Variants in SLC35F1 observed in about 807,000 individuals in gnomAD.
SLC35F1 encodes the protein solute carrier family 35 member F1, also known as chromosome 6 open reading frame 169.
Under a neutral mutation model 48.7 loss-of-function variants are expected in SLC35F1, and 14 were observed. The ratio of observed to expected loss-of-function variants is 0.29; its 90% CI spans 0.19 to 0.45. SLC35F1 has a LOEUF of 0.45. Ranked by LOEUF, SLC35F1 falls within the 20% of genes least tolerant of loss-of-function variation. The pLI, the probability that SLC35F1 is intolerant of heterozygous loss-of-function variation, is 1.00. For missense variants in SLC35F1, 404 were observed against 500.0 expected, an observed-to-expected ratio of 0.81 and a Z score of 1.83; for synonymous variants, 190 against 202.2, an observed-to-expected ratio of 0.94 and a Z score of 0.51.
Position 118,090,347 on chromosome 6 carries a change from CTGAG to C in SLC35F1, c.174-64097_174-64094del, listed in dbSNP as rs1406317599. Among the ~76,000 whole-genome samples the C allele has an allele frequency of 1.4e-4, 21 of 152,240 alleles. No homozygotes were observed. The Middle Eastern group carries it at 0.01, about 74-fold the overall frequency. ...GAATAAGACAGAGTTCCCACCCTCACTGAGCATATGTCGTGGTGGGAGGAAACAG... is the reference window on the plus strand; with the variant it reads ...GAATAAGACAGAGTTCCCACCCTCACCATATGTCGTGGTGGGAGGAAACAG... On this transcript the variant is annotated intron_variant, in intron 1 of 7. Transcript: ENST00000360388.
At chr6:117,985,668 G>C (rs528054104) in intron 1 of SLC35F1, among the ~76,000 whole-genome samples, 21 of 152,282 alleles carry the variant, frequency 1.4e-4, no homozygotes, top group Non-Finnish European at 2.8e-4. Context: ...AATATCTTCA[G>C]AGAAACTGTG....
intron 1 of SLC35F1, among the ~76,000 whole-genome samples, chr6:118,098,019 A>T (rs182527620): frequency 3.9e-5 from 6 of 152,296 alleles, no homozygotes; most frequent in Admixed American, 3.3e-4. Flanking sequence ...TCACAACAAT[A>T]CTATTACTCT....
intron 1 of SLC35F1, among the ~76,000 whole-genome samples, chr6:118,001,861 C>T (rs1777102286): frequency 1.3e-5 from 2 of 151,868 alleles, no homozygotes; most frequent in South Asian, 4.2e-4. Flanking sequence ...TGCTCACTAT[C>T]ACTGGCCATC....
At chr6:117,936,325 G>A (rs1776162585) in intron 1 of SLC35F1, among the ~76,000 whole-genome samples, 2 of 152,282 alleles carry the variant, frequency 1.3e-5, no homozygotes, top group South Asian at 2.1e-4. Context: ...TGCTATTGCT[G>A]TTGGGGGTTT....
chr6:118,153,212 A>G (rs1774089124), intron 1 of SLC35F1, among the ~76,000 whole-genome samples: 1 of 152,220 alleles, frequency 6.6e-6, no homozygotes, highest in Admixed American at 6.5e-5. Context: ...CTTTGCCTAA[A>G]GCTTTTTGTT....
chr6:118,063,188 C>G (rs1443395490), intron 1 of SLC35F1, among the ~76,000 whole-genome samples: 2 of 152,098 alleles, frequency 1.3e-5, no homozygotes, highest in South Asian at 4.2e-4. Flanking sequence ...TTGAATTTAT[C>G]AGATATCCAC....
chr6:118,252,089 G>C (rs1032173435), intron 3 of SLC35F1, among the ~76,000 whole-genome samples: 1 of 152,156 alleles, frequency 6.6e-6, no homozygotes, highest in African/African-American at 2.4e-5. Context: ...GATTATATAA[G>C]ACAAAGTCAA....
At chr6:118,251,539 CTT>C (rs879426782) in intron 3 of SLC35F1, among the ~76,000 whole-genome samples, 3 of 152,058 alleles carry the variant, frequency 2.0e-5, no homozygotes, top group Non-Finnish European at 2.9e-5. Context: ...AAGGGACTGA[CTT>C]ATAAGCCATA....
chr6:118,263,789 GA>G (rs1324968166), intron 3 of SLC35F1, among the ~76,000 whole-genome samples: 3 of 152,200 alleles, frequency 2.0e-5, no homozygotes, highest in Non-Finnish European at 4.4e-5. Flanking sequence ...GAAAACTGTT[GA>G]AAAATTATTT....
chr6:118,307,636 A>G (rs899308890), intron 7 of SLC35F1, among the ~76,000 whole-genome samples: 3 of 152,220 alleles, frequency 2.0e-5, no homozygotes, highest in African/African-American at 7.2e-5. Flanking sequence ...ATAATAATAA[A>G]AATGATCTTG....
intron 2 of SLC35F1, among the ~76,000 whole-genome samples, chr6:118,203,690 G>C (rs1385100216): frequency 6.6e-6 from 1 of 152,154 alleles, no homozygotes; most frequent in Non-Finnish European, 1.5e-5. Context: ...CACCAGAGGA[G>C]AAAAAAACTG....
chr6:117,986,449 C>T (rs1409201331), intron 1 of SLC35F1, among the ~76,000 whole-genome samples: 1 of 152,194 alleles, frequency 6.6e-6, no homozygotes, highest in Non-Finnish European at 1.5e-5. Flanking sequence ...CTCGGAAAAA[C>T]TTACTAAGGA....
At chr6:117,951,513 G>A (rs1562246569) in intron 1 of SLC35F1, among the ~76,000 whole-genome samples, 1 of 152,174 alleles carries the variant, frequency 6.6e-6, no homozygotes, top group East Asian at 1.9e-4. Context: ...TTAGGAGTAT[G>A]TATAAGATAC....
At chr6:118,146,249 G>C (rs982104427) in intron 1 of SLC35F1, among the ~76,000 whole-genome samples, 1 of 152,184 alleles carries the variant, frequency 6.6e-6, no homozygotes, top group African/African-American at 2.4e-5. Context: ...GGAATGAGCA[G>C]ATAAATATGA....
At chr6:118,250,941 G>A (rs570319920) in intron 3 of SLC35F1, among the ~76,000 whole-genome samples, 27 of 151,922 alleles carry the variant, frequency 1.8e-4, no homozygotes, top group African/African-American at 6.5e-4. Flanking sequence ...CTCCAGCATG[G>A]GTGACAGAGC....
chr6:118,134,757 A>G (rs1260875786), intron 1 of SLC35F1, among the ~76,000 whole-genome samples: 2 of 152,150 alleles, frequency 1.3e-5, no homozygotes, highest in African/African-American at 4.8e-5. Context: ...CCTCCAAGAC[A>G]TGCACACCTG....
intron 7 of SLC35F1, among the ~76,000 whole-genome samples, chr6:118,311,786 TG>T (rs1776375072): frequency 1.3e-5 from 2 of 151,992 alleles, no homozygotes; most frequent in Admixed American, 6.6e-5. Context: ...GGTGAAACCC[TG>T]TCTCAAGAAA....
At chr6:118,183,396 C>G (rs1268546575) in intron 2 of SLC35F1, among the ~76,000 whole-genome samples, 1 of 151,686 alleles carries the variant, frequency 6.6e-6, no homozygotes. Context: ...GAAATAATGA[C>G]GAGTTAATGG....
At position 118,245,899 on chromosome 6, in the gene SLC35F1, A is replaced by C. The variant is rs564202177; in HGVS notation, c.477+10263A>C. Among the ~76,000 whole-genome samples the C allele has an allele frequency of 2.0e-5, 3 of 152,248 alleles. No individual in the cohort carries two copies. The South Asian group carries it at 6.2e-4, about 32-fold the overall frequency. On this transcript the variant is annotated intron_variant, in intron 3 of 7. Transcript: ENST00000360388. ...CATTCTCTCTATCCTCTGGGACTTCAGAGAGGGCACATCTTGGGCACATAT... is the reference window on the plus strand; with the variant it reads ...CATTCTCTCTATCCTCTGGGACTTCCGAGAGGGCACATCTTGGGCACATAT...
Sources: gnomAD v4.1 joint callset for allele counts (sites outside exome capture counted in the v4.1 genomes callset) on GRCh38, gnomAD v4.1.1 for gene constraint, MANE v1.5 for transcripts, NCBI Gene and HGNC (gene_info 2026-07-23, HGNC 2026-07-21) for gene names.